MAGI2: variants seen among roughly 807,000 people sequenced by gnomAD.
MAGI2 encodes membrane associated guanylate kinase, WW and PDZ domain containing 2, also known as membrane-associated guanylate kinase, WW and PDZ domain-containing protein 2.
MAGI2 carries 35 observed loss-of-function variants against 133.3 expected under a neutral mutation model. The observed-to-expected ratio is 0.26, with a 90% CI of 0.20 to 0.35. The LOEUF is 0.35. MAGI2 is among the 10% of genes least tolerant of loss of function. MAGI2 has a pLI of 1.00. For missense variants in MAGI2, 1,636 were observed against 1,863.4 expected (o/e 0.88, Z 2.25); for synonymous variants, 729 against 710.6 (o/e 1.03, Z -0.41).
At chr7:78,471,212 C>T (rs138879507) in intron 6 of MAGI2, among the ~76,000 whole-genome samples, 1,723 of 152,218 alleles carry the variant, frequency 0.011, 14 homozygotes, top group Non-Finnish European at 0.018. Flanking sequence ...ATTTATCATG[C>T]TGTTTCAGTA....
intron 21 of MAGI2, among the ~76,000 whole-genome samples, chr7:78,045,694 C>G (rs1584932846): frequency 6.6e-6 from 1 of 152,256 alleles, no homozygotes; most frequent in East Asian, 1.9e-4. Context: ...CATCTGAGAT[C>G]TGAAGATTCA....
chr7:79,223,978 T>C (rs779212017), intron 1 of MAGI2, among the ~76,000 whole-genome samples: 11 of 152,220 alleles, frequency 7.2e-5, no homozygotes, highest in Admixed American at 4.6e-4. Context: ...ACCATGATCA[T>C]TGGGAGTGGG....
chr7:79,196,653 T>G (rs1189058622), intron 1 of MAGI2, among the ~76,000 whole-genome samples: 1 of 152,028 alleles, frequency 6.6e-6, no homozygotes, highest in Non-Finnish European at 1.5e-5. Flanking sequence ...TCACTGCATT[T>G]CCTTTCTTAT....
intron 2 of MAGI2, among the ~76,000 whole-genome samples, chr7:78,802,494 G>C (rs1788155556): frequency 6.6e-6 from 1 of 151,984 alleles, no homozygotes; most frequent in Non-Finnish European, 1.5e-5. Context: ...CTCTCATCAC[G>C]CACTTTACTG....
chr7:78,920,001 G>A (rs561946726), intron 2 of MAGI2, among the ~76,000 whole-genome samples: 130 of 151,948 alleles, frequency 8.6e-4, no homozygotes, highest in Non-Finnish European at 1.5e-3. Flanking sequence ...ACTATTTTTG[G>A]TACTCTTACA....
rs993390947 is a variant in MAGI2, at chr7:78,860,219, C to T, written c.418+146871G>A. On this transcript the variant is annotated intron_variant, in intron 2 of 21. Coordinates refer to ENST00000354212, the MANE Select transcript of MAGI2 (RefSeq NM_012301.4). ...TTAGCTTGGAGAAGTTTGTTATTACCGATCATCTGAAGCCTTCTTCTCTCA... is the reference window on the plus strand; with the variant it reads ...TTAGCTTGGAGAAGTTTGTTATTACTGATCATCTGAAGCCTTCTTCTCTCA... 4.7e-4 allele frequency among the ~76,000 whole-genome samples: 71 copies of T among 151,426 alleles called. 2 individuals are homozygous for T. The highest frequency in any genetic ancestry group is 2.2e-4 in the African/African-American group (9 of 41,416).
At chr7:78,142,896 C>T (rs1419319301) in intron 16 of MAGI2, among the ~76,000 whole-genome samples, 1 of 152,122 alleles carries the variant, frequency 6.6e-6, no homozygotes, top group Non-Finnish European at 1.5e-5. Flanking sequence ...CTCTGTATGT[C>T]CCTGAAAATC....
chr7:78,308,085 A>G (rs1178247744), intron 9 of MAGI2, among the ~76,000 whole-genome samples: 1 of 152,222 alleles, frequency 6.6e-6, no homozygotes, highest in Non-Finnish European at 1.5e-5. Context: ...ATGGGCAATG[A>G]ATTTCTAATA....
At position 79,352,080 on chromosome 7, in the gene MAGI2, G is replaced by C. The variant is rs545673394; in HGVS notation, c.301+100940C>G. 2.6e-5 allele frequency among the ~76,000 whole-genome samples: 4 copies of C among 152,174 alleles called. No homozygotes were observed. The East Asian group carries it at 7.7e-4, about 29-fold the overall frequency. On this transcript the variant is annotated intron_variant, in intron 1 of 21. Coordinates refer to ENST00000354212, the MANE Select transcript of MAGI2 (RefSeq NM_012301.4). Reference sequence around the variant, plus strand: ...ATAACACCATATAGAAATTAATAATGGGAAGAATTCACCTATTGGTAAAGA... The same window carrying C: ...ATAACACCATATAGAAATTAATAATCGGAAGAATTCACCTATTGGTAAAGA...
intron 1 of MAGI2, among the ~76,000 whole-genome samples, chr7:79,326,183 T>C (rs1839680486): frequency 2.0e-5 from 1 of 49,398 alleles, no homozygotes; most frequent in African/African-American, 7.8e-5. Flanking sequence ...GAACAAAGTA[T>C]ATAGACCAGA....
chr7:78,151,518 C>T (rs1171280034), intron 16 of MAGI2, among the ~76,000 whole-genome samples: 3 of 152,036 alleles, frequency 2.0e-5, no homozygotes, highest in African/African-American at 7.2e-5. Flanking sequence ...GTTTTGCAAC[C>T]AAGAAATGTA....
chr7:79,186,224 A>ATATATATATATATT (rs1562973057), intron 1 of MAGI2, among the ~76,000 whole-genome samples: 19 of 106,990 alleles, frequency 1.8e-4, no homozygotes, highest in Admixed American at 5.6e-4. Context: ...ATATATATAT[A>ATATATATATATATT]TATATATATA....
intron 7 of MAGI2, among the ~76,000 whole-genome samples, chr7:78,357,119 T>C (rs975623311): frequency 2.0e-5 from 3 of 152,308 alleles, no homozygotes; most frequent in African/African-American, 4.8e-5. Flanking sequence ...ATATTCAGGG[T>C]CTGGGAGTCA....
intron 2 of MAGI2, among the ~76,000 whole-genome samples, chr7:78,665,899 G>A (rs1388980138): frequency 2.0e-5 from 3 of 152,098 alleles, no homozygotes; most frequent in African/African-American, 7.2e-5. Context: ...TATCTTTATG[G>A]AGCTTACAGT....
At chr7:79,281,053 T>C (rs1454011519) in intron 1 of MAGI2, among the ~76,000 whole-genome samples, 1 of 146,134 alleles carries the variant, frequency 6.8e-6, no homozygotes, top group Non-Finnish European at 1.5e-5. Flanking sequence ...GTCTAGAGAG[T>C]CACTTGGGAG....
At chr7:78,272,387 G>A (rs540693605) in intron 9 of MAGI2, among the ~76,000 whole-genome samples, 4 of 152,040 alleles carry the variant, frequency 2.6e-5, no homozygotes, top group South Asian at 2.1e-4. Flanking sequence ...GAATAAATGC[G>A]ACGTGGTGCT....
intron 2 of MAGI2, among the ~76,000 whole-genome samples, chr7:78,664,040 A>G (rs1325409319): frequency 6.6e-6 from 1 of 152,222 alleles, no homozygotes; most frequent in Non-Finnish European, 1.5e-5. Flanking sequence ...ATTATATTTC[A>G]TAGTTTTTCA....
intron 21 of MAGI2, among the ~76,000 whole-genome samples, chr7:78,036,126 AT>A (rs1810193508): frequency 1.3e-5 from 2 of 152,132 alleles, no homozygotes; most frequent in Admixed American, 1.3e-4. Context: ...TGGATTACCT[AT>A]TGAATGAATT....
At chr7:79,182,895 GCAGCAA>G (rs1281808830) in intron 1 of MAGI2, among the ~76,000 whole-genome samples, 1 of 151,914 alleles carries the variant, frequency 6.6e-6, no homozygotes, top group Non-Finnish European at 1.5e-5. Flanking sequence ...CATGTCATTT[GCAGCAA>G]CATGGATGAA....
Sources: allele counts gnomAD v4.1 joint callset (sites outside exome capture counted in the v4.1 genomes callset), GRCh38; gene constraint gnomAD v4.1.1; transcripts MANE v1.5; gene names NCBI Gene and HGNC (gene_info 2026-07-23, HGNC 2026-07-21).